NPR1: variants seen among roughly 807,000 people sequenced by gnomAD.
NPR1 encodes the protein natriuretic peptide receptor 1.
NPR1 carries 57 observed loss-of-function variants against 116.9 expected under a neutral mutation model. The observed-to-expected ratio is 0.49, with a 90% CI of 0.39 to 0.61. The LOEUF (loss-of-function observed/expected upper bound fraction) is 0.61. Among genes scored for constraint, NPR1 ranks in the 20% least tolerant of loss-of-function variants. The pLI is 0.00. For missense variants in NPR1, 1,096 were observed against 1,409.8 expected, an observed-to-expected ratio of 0.78 and a Z score of 3.56; for synonymous variants, 555 against 601.6, an observed-to-expected ratio of 0.92 and a Z score of 1.13.
chr1:153,691,806 T>A (rs1217265359), intron 20 of NPR1, among the ~76,000 whole-genome samples: 1 of 150,176 alleles, frequency 6.7e-6, no homozygotes, highest in Non-Finnish European at 1.5e-5. Flanking sequence ...GGCTGAGACA[T>A]GAAAATCACT....
At position 153,679,700 on chromosome 1, in the gene NPR1, T is replaced by A. The variant is rs2101727191; in HGVS notation, c.592T>A (p.Phe198Ile). The change falls in exon 1 of 22, where the codon TTC becomes ATC. Residue 198 changes from phenylalanine (F) to isoleucine (I), a missense_variant. Physicochemically the swap from Phe to Ile is conservative, Grantham distance 21. Coordinates refer to ENST00000368680, the MANE Select transcript of NPR1 (RefSeq NM_000906.4). The surrounding 1 kb of genome is among the most constrained non-coding windows in gnomAD (Gnocchi z 4.2). ...YRPGDEEHCF[F>I]LVEGLFMRVR... ...GCCGGGTGACGAAGAGCACTGCTTC[T>A]TCCTCGTGGAGGGGCTGTTCATGCG... 6.2e-7 allele frequency: 1 copy of A among 1,609,502 alleles called. No homozygotes were observed. Among genetic ancestry groups the A allele is most frequent in the African/African-American group, 1.3e-5 (1 of 75,056 alleles).
chr1:153,689,240 G>A lies in NPR1; in HGVS notation c.2617G>A (p.Asp873Asn), dbSNP rs1200454875. The A allele has an allele frequency of 6.2e-7, 1 of 1,614,206 alleles. No homozygotes were observed. Among genetic ancestry groups the A allele is most frequent in the Admixed American group, 1.7e-5 (1 of 60,032 alleles). Residue 873 changes from aspartate to asparagine, a missense_variant, in exon 17 of 22, where the codon GAC becomes AAC. Transcript: ENST00000368680. The surrounding 1 kb of genome is among the most constrained non-coding windows in gnomAD (Gnocchi z 5.1). ...GGAGACGGTGCAGGCCGAAGCCTTT[G>A]ACAGTGTTACCATCTACTTCAGTGA... ...RGETVQAEAF[D>N]SVTIYFSDIV...
At chr1:153,682,670 G>A in intron 5 of NPR1, 81 bp downstream of exon 5, 2 of 1,051,202 alleles carry the variant, frequency 1.9e-6, no homozygotes, top group Admixed American at 3.8e-5. Flanking sequence ...CCCTGCCAGG[G>A]CACCTGTTTA....
At chr1:153,688,284 T>G in intron 15 of NPR1, 63 bp downstream of exon 15, 6 of 1,555,310 alleles carry the variant, frequency 3.9e-6, no homozygotes, top group Non-Finnish European at 4.4e-6. Context: ...TACCTAATGC[T>G]TCTGGCTCTG....
intron 19 of NPR1, 116 bp from the exon 20 acceptor site, chr1:153,690,166 CAG>C: frequency 2.4e-6 from 2 of 822,780 alleles, no homozygotes; most frequent in East Asian, 5.4e-5. Flanking sequence ...CACACACACA[CAG>C]AGCTGGGACC....
rs139195882 is a variant in NPR1, at chr1:153,682,141, G to C, written c.1171+302G>C. The stretch of plus-strand genomic sequence containing the variant: ...GCAATCTCGGCTCACTTCAACCTCC[G>C]CCTCCCAGGTTCAAGCAATTCTCCT... On this transcript the variant is annotated intron_variant, in intron 4 of 21. Transcript: ENST00000368680. 3.2e-4 allele frequency among the ~76,000 whole-genome samples: 49 copies of C among 151,434 alleles called. No homozygotes were observed. In the East Asian group the frequency reaches 8.0e-3, roughly 25 times the overall value.
rs1571343766 is a variant in NPR1 at position 153,679,562 on chromosome 1, T to G, written c.454T>G (p.Tyr152Asp). The G allele has an allele frequency of 6.4e-7, 1 of 1,554,450 alleles. No homozygotes were observed. Among genetic ancestry groups the G allele is most frequent in the East Asian group, 2.4e-5 (1 of 41,864 alleles). The change falls in exon 1 of 22, where the codon TAT (tyrosine) becomes GAT (aspartate). Residue 152 changes from tyrosine (Y) to aspartate (D), a missense_variant. Transcript: ENST00000368680. The surrounding 1 kb of genome is among the most constrained non-coding windows in gnomAD (Gnocchi z 4.2). ...PALGFGVKDE[Y>D]ALTTRAGPSY... The stretch of plus-strand genomic sequence containing the variant: ...GCTGGGCTTCGGTGTCAAGGACGAG[T>G]ATGCGCTGACCACCCGCGCGGGGCC...
At chr1:153,680,316 G>GC (rs1287103783) in intron 1 of NPR1, among the ~76,000 whole-genome samples, 185 bp from the exon 2 acceptor site, 1 of 18,868 alleles carries the variant, frequency 5.3e-5, no homozygotes, top group African/African-American at 1.9e-4. Context: ...CCCCGCACCC[G>GC]CCCGTTCCAC....
Position 153,689,735 on chromosome 1 carries a change from C to A in NPR1, c.2758-71C>A, listed in dbSNP as rs915385345. ...AGGGTACAGAATGACAGACGCTGCA[C>A]CCGGTGTGACGGTGTGGCCGGCCGC... On this transcript the variant is annotated intron_variant, in intron 18 of 21. Coordinates refer to ENST00000368680, the MANE Select transcript of NPR1 (RefSeq NM_000906.4). This position sits in a 1 kb window ranked among gnomAD's most constrained non-coding sequence, Gnocchi z 5.1. The A allele has an allele frequency of 7.0e-7, 1 of 1,423,600 alleles. No homozygotes were observed. Among genetic ancestry groups the A allele is most frequent in the Non-Finnish European group, 9.5e-7 (1 of 1,056,644 alleles). The allele number at this position is 1,423,600 out of a possible 1,614,324, so 88.2% of individuals were successfully genotyped here.
intron 15 of NPR1, 51 bp downstream of exon 15, chr1:153,688,272 T>C: frequency 6.3e-7 from 1 of 1,576,590 alleles, no homozygotes; most frequent in Non-Finnish European, 8.7e-7. Context: ...ACAGCCACCA[T>C]TTACCTAATG....
At position 153,689,006 on chromosome 1, in the gene NPR1, C is replaced by G. The variant is rs1670013586; in HGVS notation, c.2471C>G (p.Ala824Gly). ...CTGCTGTCCCGCATGGAGCAGTACGCGAACAATCTGGAGGAACTGGTGGAG... is the reference window on the plus strand; with the variant it reads ...CTGCTGTCCCGCATGGAGCAGTACGGGAACAATCTGGAGGAACTGGTGGAG... ...DNLLSRMEQY[A>G]NNLEELVEER... The change falls in exon 16 of 22, where the codon GCG becomes GGG. Residue 824 changes from alanine to glycine, a missense_variant. Ala to Gly is a moderately conservative substitution (Grantham distance 60, BLOSUM62 0). Transcript: ENST00000368680. This position sits in a 1 kb window ranked among gnomAD's most constrained non-coding sequence, Gnocchi z 5.1. 6.2e-7 allele frequency: 1 copy of G among 1,614,164 alleles called. No individual in the cohort carries two copies. Among genetic ancestry groups the G allele is most frequent in the Non-Finnish European group, 8.5e-7 (1 of 1,180,034 alleles).
Position 153,679,170 on chromosome 1 carries a change from C to A in NPR1, c.62C>A (p.Pro21Gln). ...RLRLLLLLLL[P>Q]PLLLLLRGSH... Reference sequence around the variant, plus strand: ...CGCCTGCTCCTGCTCCTGCTGCTGCCGCCGCTGCTGCTGCTGCTCCGGGGC... The same window carrying A: ...CGCCTGCTCCTGCTCCTGCTGCTGCAGCCGCTGCTGCTGCTGCTCCGGGGC... The change falls in exon 1 of 22, where the codon CCG becomes CAG. Residue 21 changes from proline to glutamine, a missense_variant. Physicochemically the swap from Pro to Gln is moderately conservative, Grantham distance 76. Transcript: ENST00000368680. The surrounding 1 kb of genome is among the most constrained non-coding windows in gnomAD (Gnocchi z 4.2). 6.7e-7 allele frequency: 1 copy of A among 1,502,472 alleles called. No homozygotes were observed. The highest frequency in any genetic ancestry group is 8.8e-7 in the Non-Finnish European group (1 of 1,132,068). The allele number at this position is 1,502,472 out of a possible 1,614,324, so 93.1% of individuals were successfully genotyped here.
chr1:153,690,198 T>C, intron 19 of NPR1, 86 bp from the exon 20 acceptor site: 1 of 1,032,876 alleles, frequency 9.7e-7, no homozygotes, highest in Non-Finnish European at 1.4e-6. Flanking sequence ...GCCTCCTGCC[T>C]GTCTTGGATT....
At chr1:153,682,874 A>G (rs1331035878) in intron 5 of NPR1, among the ~76,000 whole-genome samples, 2 of 152,338 alleles carry the variant, frequency 1.3e-5, no homozygotes, top group East Asian at 3.9e-4. Flanking sequence ...GCCTCCCAGC[A>G]GAGACAGGGC....
At chr1:153,685,959 AG>A in intron 9 of NPR1, 79 bp downstream of exon 9, 1 of 1,463,894 alleles carries the variant, frequency 6.8e-7, no homozygotes, top group Non-Finnish European at 9.6e-7. Flanking sequence ...GGGGGTTCTG[AG>A]GGAAGGAGTA....
chr1:153,686,043 G>A, intron 9 of NPR1, 80 bp from the exon 10 acceptor site: 1 of 1,495,232 alleles, frequency 6.7e-7, no homozygotes, highest in Non-Finnish European at 9.3e-7. Context: ...TGAGGGCAGG[G>A]ATGGGCTGTC....
rs751327438 is a variant in NPR1 at position 153,682,565 on chromosome 1, G to A, written c.1239G>A (p.Met413Ile). 1.9e-6 allele frequency: 3 copies of A among 1,613,990 alleles called. No homozygotes were observed. The highest frequency in any genetic ancestry group is 2.5e-6 in the Non-Finnish European group (3 of 1,179,906). Residue 413 changes from methionine to isoleucine, a missense_variant, in exon 5 of 22, where the codon ATG becomes ATA. Physicochemically the swap from Met to Ile is conservative, Grantham distance 10. Transcript: ENST00000368680. ...DRETDFSLWD[M>I]DPENGAFRVV... ...AAACAGACTTCTCCCTCTGGGATAT[G>A]GATCCCGAGAATGGTGCCTTCAGGG...
chr1:153,686,009 G>A, intron 9 of NPR1, 114 bp from the exon 10 acceptor site: 3 of 1,372,894 alleles, frequency 2.2e-6, no homozygotes, highest in Non-Finnish European at 3.1e-6. Flanking sequence ...CTGGGGGTGG[G>A]CTATTGGGAA....
rs753318884 is a variant in NPR1, at chr1:153,687,755, C to A, written c.2214C>A (p.Val738=). The change falls in exon 14 of 22, where the codon GTC becomes GTA. Residue 738 remains valine, a synonymous_variant. Transcript: ENST00000368680. ...AGGAGATTGCCCTGAGGAGTGGGGT[C>A]TTCCACGTGGAAGGTTTGGACCTGA... is the stretch of plus-strand genomic sequence containing the variant. ...ILQEIALRSG[V]FHVEGLDLSP... is the part of the protein sequence containing the mutation. 1.3e-6 allele frequency: 2 copies of A among 1,599,996 alleles called. No homozygotes were observed. The highest frequency in any genetic ancestry group is 3.4e-5 in the Admixed American group (2 of 59,466).
Sources: gnomAD v4.1 joint callset for allele counts (sites outside exome capture counted in the v4.1 genomes callset) on GRCh38, gnomAD v4.1.1 for gene constraint, Gnocchi (gnomAD v3.1) non-coding constraint, MANE v1.5 for transcripts, NCBI Gene and HGNC (gene_info 2026-07-23, HGNC 2026-07-21) for gene names.